TTC17: variants seen among roughly 807,000 people sequenced by gnomAD.
TTC17 encodes tetratricopeptide repeat protein 17.
A neutral mutation model predicts 143.8 loss-of-function variants in TTC17; 58 were observed. The ratio of observed to expected loss-of-function variants is 0.40; its 90% confidence interval spans 0.33 to 0.50. The LOEUF is 0.50. Ranked by LOEUF, TTC17 falls within the 20% of genes least tolerant of loss-of-function variation. The pLI, the probability that TTC17 is intolerant of heterozygous loss-of-function variation, is 0.49. For synonymous variants in TTC17, 501 were observed against 497.8 expected (o/e 1.01, Z -0.09); for missense variants, 1,273 against 1,392.5 (o/e 0.91, Z 1.37).
intron 16 of TTC17, among the ~76,000 whole-genome samples, chr11:43,431,707 T>G (rs1422608622): frequency 6.6e-6 from 1 of 152,228 alleles, no homozygotes; most frequent in Admixed American, 6.5e-5. Flanking sequence ...TGGATATTAT[T>G]ATTAAGCTCA....
intron 16 of TTC17, among the ~76,000 whole-genome samples, chr11:43,434,153 C>A (rs999175457): frequency 2.7e-5 from 4 of 148,552 alleles, no homozygotes; most frequent in Non-Finnish European, 3.0e-5. Flanking sequence ...TTCCCATTAG[C>A]CCTCCATGGG....
chr11:43,406,551 G>T (rs976637094), intron 13 of TTC17, among the ~76,000 whole-genome samples: 2 of 149,430 alleles, frequency 1.3e-5, no homozygotes, highest in Non-Finnish European at 3.0e-5. Flanking sequence ...AGCAATCACA[G>T]ACCATCACAA....
intron 2 of TTC17, among the ~76,000 whole-genome samples, chr11:43,386,197 TAAA>T (rs964771753): frequency 6.6e-6 from 1 of 152,040 alleles, no homozygotes; most frequent in African/African-American, 2.4e-5. Flanking sequence ...CTATGCAGTT[TAAA>T]AATCTAAGTA....
intron 5 of TTC17, among the ~76,000 whole-genome samples, chr11:43,393,297 C>T (rs984783977): frequency 1.3e-5 from 2 of 152,174 alleles, no homozygotes; most frequent in Admixed American, 6.5e-5. Context: ...GGTGTTCCCA[C>T]AGCTGCCTCC....
chr11:43,381,954 T>C (rs796347055), intron 2 of TTC17, among the ~76,000 whole-genome samples: 3 of 152,318 alleles, frequency 2.0e-5, no homozygotes, highest in South Asian at 2.1e-4. Flanking sequence ...CTATCAGGCA[T>C]TCAAGAATGG....
In TTC17 at chr11:43,493,811, A is replaced by G; in HGVS notation, c.3333A>G (p.Thr1111=). 1 of 1,614,148 alleles carries G rather than the reference A, an allele frequency of 6.2e-7. No homozygotes were observed. Among genetic ancestry groups the G allele is most frequent in the Non-Finnish European group, 8.5e-7 (1 of 1,179,992 alleles). ...FEKALVWYES[T]LKLQPEFVPA... is the part of the protein sequence containing the mutation. ...AAGCACTGGTGTGGTATGAATCCAC[A>G]TTGAAGCTTCAGCCCGAGTTTGTCC... is the stretch of plus-strand genomic sequence containing the variant. Residue 1111 remains threonine (T), a synonymous_variant, in exon 24 of 24, where the codon ACA becomes ACG. Transcript: ENST00000039989.
At chr11:43,362,042 G>A (rs554345810) in intron 1 of TTC17, among the ~76,000 whole-genome samples, 2 of 148,800 alleles carry the variant, frequency 1.3e-5, no homozygotes, top group Non-Finnish European at 3.0e-5. Context: ...GTGCAATGGC[G>A]CTATCTTGGC....
intron 1 of TTC17, among the ~76,000 whole-genome samples, chr11:43,371,023 T>TGGG (rs11332875): frequency 1.8e-5 from 2 of 108,552 alleles, no homozygotes; most frequent in African/African-American, 8.0e-5. Flanking sequence ...GGAGGGGAGG[T>TGGG]GGGGGGGGGG....
In TTC17 at chr11:43,424,867, A is replaced by G. The variant is rs180763323; in HGVS notation, c.2251+10091A>G. Among the ~76,000 whole-genome samples the G allele has an allele frequency of 4.7e-3, 716 of 152,318 alleles. 4 individuals are homozygous for G. Among genetic ancestry groups the G allele is most frequent in the African/African-American group, 0.017 (691 of 41,572 alleles). Reference sequence around the variant, plus strand: ...GGGCATTTCTCAGAAGGATAGTCTAAGCCCTGTAAGCAAGAGGGGGTCTGT... The same window carrying G: ...GGGCATTTCTCAGAAGGATAGTCTAGGCCCTGTAAGCAAGAGGGGGTCTGT... On this transcript the variant is annotated intron_variant, in intron 16 of 23. Transcript: ENST00000039989.
At chr11:43,422,832 T>G (rs1946938566) in intron 16 of TTC17, among the ~76,000 whole-genome samples, 1 of 152,154 alleles carries the variant, frequency 6.6e-6, no homozygotes, top group African/African-American at 2.4e-5. Context: ...CTCTTAAGTT[T>G]TGCTATAGTG....
intron 16 of TTC17, among the ~76,000 whole-genome samples, chr11:43,436,848 C>T (rs907721266): frequency 6.6e-6 from 1 of 152,124 alleles, no homozygotes; most frequent in Non-Finnish European, 1.5e-5. Context: ...CTTCTTGAAA[C>T]TCTCTCCTTT....
At chr11:43,375,141 C>T (rs760964522) in intron 1 of TTC17, among the ~76,000 whole-genome samples, 100 of 152,196 alleles carry the variant, frequency 6.6e-4, no homozygotes, top group Non-Finnish European at 1.2e-3. Flanking sequence ...CATCCCCATT[C>T]TCAGGCCCCA....
At chr11:43,446,418 C>G in intron 18 of TTC17, 1 of 227,328 alleles carries the variant, frequency 4.4e-6, no homozygotes, top group Non-Finnish European at 7.3e-6. Flanking sequence ...ACTGTGAGCT[C>G]AAGAGCAGGC....
chr11:43,367,411 A>G (rs1193773157), intron 1 of TTC17, among the ~76,000 whole-genome samples: 1 of 152,248 alleles, frequency 6.6e-6, no homozygotes, highest in Non-Finnish European at 1.5e-5. Context: ...ACAATGAAAA[A>G]GATAAGCAGA....
At chr11:43,398,406 G>A (rs2134558276) in intron 8 of TTC17, among the ~76,000 whole-genome samples, 1 of 152,276 alleles carries the variant, frequency 6.6e-6, no homozygotes, top group South Asian at 2.1e-4. Flanking sequence ...GTCAGTTGGG[G>A]TGGGGAGACT....
intron 1 of TTC17, chr11:43,370,301 G>T (rs775075288): frequency 5.1e-5 from 13 of 256,344 alleles, no homozygotes; most frequent in Non-Finnish European, 8.8e-5. Context: ...GCCTGGAAGG[G>T]ATCGCAAACA....
chr11:43,378,106 T>A (rs1023021002), intron 1 of TTC17, among the ~76,000 whole-genome samples: 1 of 152,166 alleles, frequency 6.6e-6, no homozygotes, highest in Non-Finnish European at 1.5e-5. Flanking sequence ...TTTCACCATG[T>A]TGGGCAGGCT....
At chr11:43,451,895 G>A (rs760523821) in intron 21 of TTC17, among the ~76,000 whole-genome samples, 2 of 152,148 alleles carry the variant, frequency 1.3e-5, no homozygotes, top group Non-Finnish European at 2.9e-5. Flanking sequence ...AAGTATGAAT[G>A]CGACACTGTG....
intron 21 of TTC17, among the ~76,000 whole-genome samples, chr11:43,483,798 ACTT>A (rs559321069): frequency 5.0e-4 from 76 of 152,346 alleles, no homozygotes; most frequent in Admixed American, 4.5e-3. Flanking sequence ...GACTATCACC[ACTT>A]CTTTTCAACC....
Sources: gnomAD v4.1 joint callset for allele counts (sites outside exome capture counted in the v4.1 genomes callset) on GRCh38, gnomAD v4.1.1 for gene constraint, MANE v1.5 for transcripts, NCBI Gene and HGNC (gene_info 2026-07-23, HGNC 2026-07-21) for gene names.